The following CCDC18 variants were observed in gnomAD, a reference collection of about 807,000 sequenced individuals.
The protein encoded by CCDC18 is coiled-coil domain containing 18.
A neutral mutation model predicts 196.0 loss-of-function variants in CCDC18; 157 were observed. The observed-to-expected ratio is 0.80, with a 90% CI of 0.70 to 0.91. CCDC18 has a LOEUF of 0.91. CCDC18 is among the 40% of genes least tolerant of loss of function. The pLI, the probability that CCDC18 is intolerant of heterozygous loss-of-function variation, is 0.00. For missense variants in CCDC18, 1,465 were observed against 1,611.6 expected, an observed-to-expected ratio of 0.91 and a Z score of 1.56; for synonymous variants, 482 against 529.2, an observed-to-expected ratio of 0.91 and a Z score of 1.22.
chr1:93,258,957 T>G (rs968749304), intron 26 of CCDC18, 72 bp downstream of exon 26: 8 of 1,288,156 alleles, frequency 6.2e-6, no homozygotes, highest in African/African-American at 1.5e-5. Context: ...AAAGTATGAG[T>G]CCAGCTCTTA....
At chr1:93,263,711 C>T (rs1013738174) in intron 26 of CCDC18, among the ~76,000 whole-genome samples, 1 of 152,244 alleles carries the variant, frequency 6.6e-6, no homozygotes, top group Admixed American at 6.5e-5. Context: ...TTCCTCCAAA[C>T]TGTTCTAACC....
At chr1:93,276,958 G>A (rs1665656012) in intron 28 of CCDC18, among the ~76,000 whole-genome samples, 1 of 133,938 alleles carries the variant, frequency 7.5e-6, no homozygotes, top group African/African-American at 3.1e-5. Context: ...AGTATTTATT[G>A]ATCATCTGTG....
intron 6 of CCDC18, among the ~76,000 whole-genome samples, chr1:93,201,363 G>A (rs1311484756): frequency 1.3e-5 from 2 of 152,096 alleles, no homozygotes; most frequent in Non-Finnish European, 2.9e-5. Context: ...AAGAGATGAG[G>A]CAACAAGGTT....
chr1:93,226,898 T>A (rs938843923), intron 17 of CCDC18, among the ~76,000 whole-genome samples: 2 of 152,266 alleles, frequency 1.3e-5, no homozygotes, highest in South Asian at 2.1e-4. Flanking sequence ...ATTCCAATTT[T>A]ATTTTCTTTA....
At position 93,270,708 on chromosome 1, in the gene CCDC18, C is replaced by G. The variant is rs1260254803; in HGVS notation, c.4247C>G (p.Ser1416Cys). The part of the protein sequence containing the change: ...PLTYNLEADS[S>C]ENNDFNTLSG... ...ACATATAACCTAGAAGCTGATAGTT[C>G]TGAGAATAATGACTTTAACACGCTT... is the stretch of plus-strand genomic sequence containing the variant. Residue 1416 changes from serine (S) to cysteine (C), a missense_variant, in exon 28 of 29, where the codon TCT becomes TGT. Ser to Cys is a moderately radical substitution (Grantham distance 112). Transcript: ENST00000690025. The G allele has an allele frequency of 6.5e-7, 1 of 1,550,162 alleles. No individual in the cohort carries two copies. Among genetic ancestry groups the G allele is most frequent in the East Asian group, 2.4e-5 (1 of 40,884 alleles).
chr1:93,208,889 CT>C (rs1233842290), intron 9 of CCDC18, among the ~76,000 whole-genome samples: 1 of 151,758 alleles, frequency 6.6e-6, no homozygotes, highest in East Asian at 1.9e-4. Flanking sequence ...TGGTCTTGAT[CT>C]TTTGAATTCG....
chr1:93,203,391 T>C (rs1382676566), intron 7 of CCDC18, among the ~76,000 whole-genome samples: 1 of 152,182 alleles, frequency 6.6e-6, no homozygotes, highest in Non-Finnish European at 1.5e-5. Context: ...GGTCTGGATT[T>C]AGACATACAA....
At chr1:93,216,117 C>T (rs1656439769) in intron 12 of CCDC18, among the ~76,000 whole-genome samples, 1 of 152,194 alleles carries the variant, frequency 6.6e-6, no homozygotes, top group Admixed American at 6.5e-5. Context: ...GAGATTTAGA[C>T]AGTTTATAAC....
intron 4 of CCDC18, among the ~76,000 whole-genome samples, chr1:93,186,733 G>C (rs893687099): frequency 6.6e-6 from 1 of 151,902 alleles, no homozygotes; most frequent in Non-Finnish European, 1.5e-5. Flanking sequence ...AGCTTCTTAA[G>C]GTGTTAAGAT....
rs551656444 is a variant in CCDC18, at chr1:93,211,555, T to G, written c.1335-546T>G. On this transcript the variant is annotated intron_variant, in intron 10 of 28. Coordinates refer to ENST00000690025, the MANE Select transcript of CCDC18 (RefSeq NM_001378204.1). The stretch of plus-strand genomic sequence containing the variant: ...ATTGGATATATATTTCTCTATTCAT[T>G]TTTGTATGTTTACACACATGTACAC... Among the ~76,000 whole-genome samples, 86 of 152,292 alleles carry G rather than the reference T, an allele frequency of 5.6e-4. 1 individual carries two copies. The highest frequency in any genetic ancestry group is 1.0e-3 in the Non-Finnish European group (70 of 68,016).
At chr1:93,192,429 T>G (rs936948938) in intron 5 of CCDC18, among the ~76,000 whole-genome samples, 27 of 152,116 alleles carry the variant, frequency 1.8e-4, no homozygotes, top group Admixed American at 1.7e-3. Flanking sequence ...TGTAAAGGAG[T>G]CAGACACTTT....
chr1:93,239,880 C>A lies in CCDC18; in HGVS notation c.2965C>A (p.Leu989Ile), dbSNP rs1660535683. Residue 989 changes from leucine (L) to isoleucine (I), a missense_variant, in exon 21 of 29, where the codon CTC becomes ATC. Transcript: ENST00000690025. ...LEEKYTTIKD[L>I]TAELRECKME... ...GGAAAAATACACTACTATAAAGGATCTCACAGCTGAACTTAGGTGAGTTAA... is the reference window on the plus strand; with the variant it reads ...GGAAAAATACACTACTATAAAGGATATCACAGCTGAACTTAGGTGAGTTAA... The A allele has an allele frequency of 3.7e-6, 6 of 1,602,244 alleles. No homozygotes were observed. Among genetic ancestry groups the A allele is most frequent in the African/African-American group, 1.3e-5 (1 of 74,588 alleles).
intron 18 of CCDC18, among the ~76,000 whole-genome samples, chr1:93,234,718 C>A (rs976597551): frequency 6.6e-6 from 1 of 151,888 alleles, no homozygotes; most frequent in Non-Finnish European, 1.5e-5. Flanking sequence ...TCCCTTTTTA[C>A]CTGGGTACTG....
chr1:93,193,968 A>C (rs893615831), intron 6 of CCDC18, among the ~76,000 whole-genome samples: 1 of 152,032 alleles, frequency 6.6e-6, no homozygotes, highest in Non-Finnish European at 1.5e-5. Flanking sequence ...TTTCTACAAA[A>C]CTGATAACGA....
At chr1:93,229,018 G>T (rs1038290985) in intron 17 of CCDC18, among the ~76,000 whole-genome samples, 1 of 152,072 alleles carries the variant, frequency 6.6e-6, no homozygotes, top group Non-Finnish European at 1.5e-5. Flanking sequence ...TGCCTCCCAG[G>T]TTCAAGCAAT....
intron 6 of CCDC18, among the ~76,000 whole-genome samples, chr1:93,195,634 G>A (rs1211862653): frequency 6.6e-6 from 1 of 152,126 alleles, no homozygotes; most frequent in South Asian, 2.1e-4. Flanking sequence ...CATTATAAGA[G>A]GGCTTGACAG....
chr1:93,191,109 C>G (rs1651698031), intron 4 of CCDC18: 2 of 552,024 alleles, frequency 3.6e-6, no homozygotes, highest in African/African-American at 1.9e-5. Flanking sequence ...TTTTTTGGAG[C>G]AATTGAGTTT....
chr1:93,222,024 C>T, intron 16 of CCDC18, 88 bp downstream of exon 16: 1 of 863,384 alleles, frequency 1.2e-6, no homozygotes, highest in Non-Finnish European at 1.8e-6. Context: ...GGCTGGAGTG[C>T]AGTGGCATGA....
chr1:93,271,206 G>T, intron 28 of CCDC18: 1 of 985,266 alleles, frequency 1.0e-6, no homozygotes, highest in Non-Finnish European at 1.2e-6. Flanking sequence ...GTTCATTTGG[G>T]CTCTGTATGT....
Sources: gnomAD v4.1 joint callset for allele counts (sites outside exome capture counted in the v4.1 genomes callset) on GRCh38, gnomAD v4.1.1 for gene constraint, MANE v1.5 for transcripts, NCBI Gene and HGNC (gene_info 2026-07-23, HGNC 2026-07-21) for gene names.